Variants in RANBP2 observed in about 807,000 individuals in gnomAD.
RANBP2 encodes the protein E3 SUMO-protein ligase RanBP2.
A neutral mutation model predicts 303.6 loss-of-function variants in RANBP2; 57 were observed. That is an observed-to-expected ratio of 0.19 (90% confidence interval 0.15 to 0.23). The LOEUF (loss-of-function observed/expected upper bound fraction) is 0.23, where lower values mean the gene tolerates loss of function less well. RANBP2 is among the 10% of genes least tolerant of loss of function. The pLI is 1.00. For synonymous variants in RANBP2, 1,167 were observed against 1,301.5 expected, an observed-to-expected ratio of 0.90 and a Z score of 2.23; for missense variants, 3,138 against 3,780.8, an observed-to-expected ratio of 0.83 and a Z score of 4.46.
chr2:109,434,812 G>T, the RANBP2 span, among the ~76,000 whole-genome samples: 1 of 152,204 alleles, frequency 6.6e-6, no homozygotes, highest in East Asian at 1.9e-4. Flanking sequence ...CTGGCTCCTT[G>T]CATACCATGT....
At chr2:109,104,145 G>A in the RANBP2 span, among the ~76,000 whole-genome samples, 117 of 152,188 alleles carry the variant, frequency 7.7e-4, no homozygotes, top group Admixed American at 2.2e-3. Context: ...TTGCAGGGTC[G>A]TTTCAAAATA....
At chr2:108,974,254 C>T in the RANBP2 span, among the ~76,000 whole-genome samples, 73 of 145,234 alleles carry the variant, frequency 5.0e-4, no homozygotes, top group East Asian at 3.4e-3. Context: ...GGCATGAACC[C>T]GGGAGGCGGA....
At chr2:109,660,653 G>T in the RANBP2 span, among the ~76,000 whole-genome samples, 3 of 152,234 alleles carry the variant, frequency 2.0e-5, no homozygotes, top group Admixed American at 1.3e-4. Flanking sequence ...GCCTGGTGTG[G>T]CCCAGGGAGG....
chr2:108,736,204 C>T lies in RANBP2; in HGVS notation c.737C>T (p.Thr246Met), dbSNP rs770986482. 8.7e-6 allele frequency: 14 copies of T among 1,611,958 alleles called. No individual in the cohort carries two copies. In the East Asian group the frequency reaches 1.3e-4, roughly 15 times the overall value. Residue 246 changes from threonine to methionine, a missense_variant, in exon 6 of 29, where the codon ACG (threonine) becomes ATG (methionine). Transcript: ENST00000283195. The part of the protein sequence containing the change: ...LLAYANLMLL[T>M]LSTRDVQESR... ...GCCTATGCTAATCTTATGCTTCTTA[C>T]GCTTTCCACTAGAGATGTGCAGGAA...
At chr2:109,478,062 G>A in the RANBP2 span, among the ~76,000 whole-genome samples, 7 of 152,352 alleles carry the variant, frequency 4.6e-5, no homozygotes, top group African/African-American at 1.7e-4. Context: ...GGAGGTCCCT[G>A]AGTGTCCCAT....
At chr2:109,306,024 T>G in the RANBP2 span, among the ~76,000 whole-genome samples, 1 of 152,092 alleles carries the variant, frequency 6.6e-6, no homozygotes, top group Non-Finnish European at 1.5e-5. Context: ...ACTTCAGGAG[T>G]GATTCGCTGC....
At chr2:109,656,237 T>G in the RANBP2 span, among the ~76,000 whole-genome samples, 1 of 152,244 alleles carries the variant, frequency 6.6e-6, no homozygotes, top group Non-Finnish European at 1.5e-5. Context: ...GATGAGGTGC[T>G]GGATAAATGT....
At chr2:109,336,467 T>A in the RANBP2 span, among the ~76,000 whole-genome samples, 1 of 152,194 alleles carries the variant, frequency 6.6e-6, no homozygotes, top group Non-Finnish European at 1.5e-5. Context: ...TACAAAGAAA[T>A]GTCCTGGTGT....
chr2:109,010,548 G>A, the RANBP2 span, among the ~76,000 whole-genome samples: 3 of 152,080 alleles, frequency 2.0e-5, no homozygotes, highest in Non-Finnish European at 4.4e-5. Flanking sequence ...TTCAGTTCCC[G>A]GTGAGGCTTG....
the RANBP2 span, among the ~76,000 whole-genome samples, chr2:108,868,937 G>C: frequency 2.5e-4 from 38 of 152,188 alleles, no homozygotes; most frequent in African/African-American, 8.4e-4. Flanking sequence ...ATTTGATTAA[G>C]CTATAAGTTG....
At chr2:108,835,055 CTG>C in the RANBP2 span, among the ~76,000 whole-genome samples, 1 of 152,184 alleles carries the variant, frequency 6.6e-6, no homozygotes, top group Non-Finnish European at 1.5e-5. Flanking sequence ...GCTGCTAGAA[CTG>C]TAGTTTGGAG....
At chr2:108,897,595 A>AG in the RANBP2 span, among the ~76,000 whole-genome samples, 1 of 152,050 alleles carries the variant, frequency 6.6e-6, no homozygotes, top group Non-Finnish European at 1.5e-5. Flanking sequence ...TGGGCTGAGG[A>AG]GGGGTTCAAA....
chr2:108,846,944 T>C, the RANBP2 span: 2 of 1,398,104 alleles, frequency 1.4e-6, no homozygotes, highest in Non-Finnish European at 1.0e-6. Flanking sequence ...AGCTTTCAAT[T>C]GTACTTATGG....
the RANBP2 span, among the ~76,000 whole-genome samples, chr2:108,842,764 C>G: frequency 5.8e-4 from 88 of 152,260 alleles, no homozygotes; most frequent in Non-Finnish European, 5.1e-4. Flanking sequence ...AGTGACTGAT[C>G]CCTGCTTCTA....
At chr2:109,537,980 AAC>A in the RANBP2 span, among the ~76,000 whole-genome samples, 1 of 151,394 alleles carries the variant, frequency 6.6e-6, no homozygotes, top group Non-Finnish European at 1.5e-5. Context: ...CACACACACA[AAC>A]ACACACACAC....
the RANBP2 span, chr2:108,895,161 A>AATG: frequency 1.3e-5 from 2 of 152,638 alleles, no homozygotes; most frequent in African/African-American, 4.8e-5. Flanking sequence ...AGACACAGTA[A>AATG]ATGATGATAT....
At chr2:109,452,861 C>T in the RANBP2 span, among the ~76,000 whole-genome samples, 8 of 132,434 alleles carry the variant, frequency 6.0e-5, no homozygotes, top group African/African-American at 1.5e-4. Context: ...AGGCTGGTCC[C>T]GGGAGGCTGG....
chr2:109,437,183 C>G, the RANBP2 span: 1 of 1,572,282 alleles, frequency 6.4e-7, no homozygotes, highest in Non-Finnish European at 8.7e-7. Flanking sequence ...AGGGCATCAA[C>G]AAGGGGGCTT....
chr2:109,669,825 T>C, the RANBP2 span, among the ~76,000 whole-genome samples: 2 of 152,006 alleles, frequency 1.3e-5, no homozygotes, highest in Non-Finnish European at 2.9e-5. Flanking sequence ...CTCCCCGCCA[T>C]GGGCAGCACA....
Sources: gnomAD v4.1 joint callset for allele counts (sites outside exome capture counted in the v4.1 genomes callset) on GRCh38, gnomAD v4.1.1 for gene constraint, MANE v1.5 for transcripts, NCBI Gene and HGNC (gene_info 2026-07-23, HGNC 2026-07-21) for gene names.